The following ACCSL variants were observed in gnomAD, a reference collection of about 807,000 sequenced individuals.
ACCSL encodes 1-aminocyclopropane-1-carboxylate synthase homolog (inactive) like.
ACCSL carries 55 observed loss-of-function variants against 61.7 expected under a neutral mutation model. That is an observed-to-expected ratio of 0.89 (90% CI 0.72 to 1.12). The LOEUF (loss-of-function observed/expected upper bound fraction) is 1.12, where lower values mean the gene tolerates loss of function less well. Among genes scored for constraint, ACCSL ranks in the 50% most tolerant of loss-of-function variants. ACCSL has a pLI of 0.00. For missense variants in ACCSL, 632 were observed against 698.0 expected, an observed-to-expected ratio of 0.91 and a Z score of 1.07; for synonymous variants, 258 against 264.3, an observed-to-expected ratio of 0.98 and a Z score of 0.23.
At chr11:44,027,193 T>C in the ACCSL span, among the ~76,000 whole-genome samples, 8 of 152,198 alleles carry the variant, frequency 5.3e-5, no homozygotes, top group African/African-American at 1.9e-4. Flanking sequence ...GGGCATGTCT[T>C]TAATGCTCTG....
the ACCSL span, among the ~76,000 whole-genome samples, chr11:43,986,698 A>T: frequency 2.6e-5 from 4 of 152,158 alleles, no homozygotes; most frequent in East Asian, 7.7e-4. Context: ...GACAATGAAG[A>T]CCCAGCCCTT....
chr11:43,944,171 C>T, the ACCSL span: 7 of 313,994 alleles, frequency 2.2e-5, no homozygotes, highest in Non-Finnish European at 3.7e-5. Flanking sequence ...GCAGAGCTGA[C>T]GATGGAGAGC....
the ACCSL span, among the ~76,000 whole-genome samples, chr11:44,037,566 C>A: frequency 6.6e-6 from 1 of 152,208 alleles, no homozygotes; most frequent in Admixed American, 6.5e-5. Flanking sequence ...CCCCTCTTGG[C>A]AAATCCGTGT....
chr11:43,938,705 A>G, the ACCSL span, among the ~76,000 whole-genome samples: 4 of 152,164 alleles, frequency 2.6e-5, no homozygotes, highest in Non-Finnish European at 5.9e-5. Flanking sequence ...CGGGAGGCTG[A>G]GGTGGAAGAA....
At chr11:43,981,647 T>C in the ACCSL span, among the ~76,000 whole-genome samples, 1 of 152,236 alleles carries the variant, frequency 6.6e-6, no homozygotes, top group Non-Finnish European at 1.5e-5. Context: ...CTTCCTGTGC[T>C]CTTCCTCTGG....
At chr11:44,055,353 G>C (rs1952665120) in intron 9 of ACCSL, 62 bp downstream of exon 9, 7 of 1,370,556 alleles carry the variant, frequency 5.1e-6, no homozygotes, top group East Asian at 4.7e-5. Flanking sequence ...TGCAGGGTGA[G>C]TTTATGTGAC....
At chr11:43,956,107 AG>A in the ACCSL span, among the ~76,000 whole-genome samples, 1 of 146,628 alleles carries the variant, frequency 6.8e-6, no homozygotes, top group Non-Finnish European at 1.5e-5. Context: ...AAAAAAAAAA[AG>A]GAAATGAGGT....
the ACCSL span, among the ~76,000 whole-genome samples, chr11:43,921,657 C>A: frequency 2.0e-5 from 3 of 152,110 alleles, no homozygotes; most frequent in African/African-American, 7.2e-5. Context: ...TTCCAGCGTC[C>A]CTCTTTCTTA....
At chr11:44,019,326 C>A in the ACCSL span, among the ~76,000 whole-genome samples, 3 of 152,170 alleles carry the variant, frequency 2.0e-5, no homozygotes, top group Admixed American at 2.0e-4. Context: ...TATAGTAACT[C>A]TGTGTTTAAC....
At chr11:43,937,946 ATC>A in the ACCSL span, among the ~76,000 whole-genome samples, 10 of 152,164 alleles carry the variant, frequency 6.6e-5, no homozygotes, top group Admixed American at 6.5e-4. Context: ...GAGTTCCAGA[ATC>A]TCTCTGGTTA....
the ACCSL span, among the ~76,000 whole-genome samples, chr11:44,011,666 C>G: frequency 6.6e-6 from 1 of 152,082 alleles, no homozygotes; most frequent in Non-Finnish European, 1.5e-5. Context: ...TTTCTCCTCC[C>G]CAACCAAAAA....
At chr11:43,994,206 T>G in the ACCSL span, among the ~76,000 whole-genome samples, 3 of 152,260 alleles carry the variant, frequency 2.0e-5, no homozygotes, top group Non-Finnish European at 4.4e-5. Flanking sequence ...GGATTACAAC[T>G]ACTGTATAGA....
At chr11:43,987,217 C>A in the ACCSL span, among the ~76,000 whole-genome samples, 941 of 152,330 alleles carry the variant, frequency 6.2e-3, 6 homozygotes, top group African/African-American at 0.021. Flanking sequence ...CAGATACCTA[C>A]GGAATCTTCT....
At chr11:43,991,730 G>C in the ACCSL span, among the ~76,000 whole-genome samples, 1 of 152,142 alleles carries the variant, frequency 6.6e-6, no homozygotes, top group Admixed American at 6.5e-5. Context: ...GGAGGCAAAG[G>C]CTGCAGTAAG....
At chr11:43,962,040 C>G in the ACCSL span, among the ~76,000 whole-genome samples, 1 of 152,140 alleles carries the variant, frequency 6.6e-6, no homozygotes, top group Admixed American at 6.6e-5. Flanking sequence ...CATTTTGTCC[C>G]ATTCTTTGTT....
the ACCSL span, among the ~76,000 whole-genome samples, chr11:44,015,025 C>T: frequency 2.6e-5 from 4 of 152,358 alleles, no homozygotes; most frequent in African/African-American, 9.6e-5. Context: ...GCCAATGGCA[C>T]TGTCAATCAG....
the ACCSL span, among the ~76,000 whole-genome samples, chr11:43,988,192 C>G: frequency 7.2e-5 from 11 of 152,178 alleles, no homozygotes; most frequent in African/African-American, 2.7e-4. Flanking sequence ...GAACAACTCA[C>G]TCCCTGTTAG....
the ACCSL span, among the ~76,000 whole-genome samples, chr11:44,003,508 C>T: frequency 2.6e-5 from 4 of 151,896 alleles, no homozygotes; most frequent in African/African-American, 9.7e-5. Flanking sequence ...CAAAAATTAG[C>T]TGGGTGTGGT....
the ACCSL span, among the ~76,000 whole-genome samples, chr11:43,992,690 C>G: frequency 6.6e-6 from 1 of 152,252 alleles, no homozygotes; most frequent in South Asian, 2.1e-4. Context: ...AAGGCATTGG[C>G]AAGTGCCATC....
Sources: allele counts gnomAD v4.1 joint callset (sites outside exome capture counted in the v4.1 genomes callset), GRCh38; gene constraint gnomAD v4.1.1; transcripts MANE v1.5; gene names NCBI Gene and HGNC (gene_info 2026-07-23, HGNC 2026-07-21).